SV2C: variants seen among roughly 807,000 people sequenced by gnomAD.
SV2C encodes solute carrier family 22 member B3.
SV2C carries 49 observed loss-of-function variants against 79.7 expected under a neutral mutation model. The ratio of observed to expected loss-of-function variants is 0.61; its 90% CI spans 0.49 to 0.78. The LOEUF is 0.78. SV2C is among the 30% of genes least tolerant of loss of function. The probability of loss-of-function intolerance (pLI) is 0.00; values close to 1 mark genes in which losing one functional copy is unlikely to be tolerated. For missense variants in SV2C, 833 were observed against 912.9 expected, an observed-to-expected ratio of 0.91 and a Z score of 1.13; for synonymous variants, 334 against 333.2, an observed-to-expected ratio of 1.00 and a Z score of -0.03.
chr5:76,013,571 C>T, the SV2C span, among the ~76,000 whole-genome samples: 2 of 152,170 alleles, frequency 1.3e-5, no homozygotes, highest in African/African-American at 4.8e-5. Flanking sequence ...ATTTGACTTC[C>T]TCTCTTCCTA....
intron 4 of SV2C, among the ~76,000 whole-genome samples, chr5:76,247,254 A>G (rs1261998945): frequency 6.6e-6 from 1 of 152,204 alleles, no homozygotes; most frequent in East Asian, 1.9e-4. Flanking sequence ...GAGCCAGAAC[A>G]ATGATTGTGT....
the SV2C span, among the ~76,000 whole-genome samples, chr5:76,023,006 G>T: frequency 6.6e-6 from 1 of 152,142 alleles, no homozygotes; most frequent in Non-Finnish European, 1.5e-5. Context: ...GGCAGCGGTG[G>T]TTTCTGCCCC....
chr5:76,019,096 G>A, the SV2C span, among the ~76,000 whole-genome samples: 1 of 152,036 alleles, frequency 6.6e-6, no homozygotes, highest in East Asian at 1.9e-4. Context: ...GAGAGAGAGA[G>A]AAAATAAAAA....
downstream of SV2C, among the ~76,000 whole-genome samples, chr5:76,337,256 C>T (rs1218743682): frequency 6.6e-6 from 1 of 152,136 alleles, no homozygotes; most frequent in Non-Finnish European, 1.5e-5. Context: ...CTCTCTGTGT[C>T]TTCAGATAGT....
intron 4 of SV2C, among the ~76,000 whole-genome samples, chr5:76,244,659 C>G (rs865884418): frequency 1.3e-5 from 2 of 151,896 alleles, no homozygotes; most frequent in African/African-American, 2.4e-5. Flanking sequence ...TATTGGAAAC[C>G]CTTGTTCTAT....
At chr5:75,864,877 T>G in the SV2C span, among the ~76,000 whole-genome samples, 2,290 of 152,334 alleles carry the variant, frequency 0.015, 73 homozygotes, top group African/African-American at 0.053. Context: ...CATGGAAAGC[T>G]ACCAGCTTTG....
At chr5:75,990,413 A>T in the SV2C span, among the ~76,000 whole-genome samples, 1 of 151,940 alleles carries the variant, frequency 6.6e-6, no homozygotes, top group African/African-American at 2.4e-5. Context: ...CTTTTCATTG[A>T]CATTTCTCCT....
the SV2C span, among the ~76,000 whole-genome samples, chr5:75,860,108 C>T: frequency 1.3e-5 from 2 of 152,132 alleles, no homozygotes; most frequent in African/African-American, 4.8e-5. Flanking sequence ...GTTTCTTTAA[C>T]AGTTGATGAT....
At chr5:75,851,297 G>A in the SV2C span, among the ~76,000 whole-genome samples, 20 of 152,134 alleles carry the variant, frequency 1.3e-4, no homozygotes, top group Admixed American at 1.3e-4. Flanking sequence ...AGTAAGTACA[G>A]TTCTGCTATG....
At chr5:76,215,992 TAG>T (rs563533170) in intron 4 of SV2C, among the ~76,000 whole-genome samples, 5 of 150,014 alleles carry the variant, frequency 3.3e-5, no homozygotes, top group Non-Finnish European at 5.9e-5. Flanking sequence ...TGATGCAAAG[TAG>T]ACCTTGAGTG....
Position 76,231,436 on chromosome 5 carries a change from A to AT in SV2C, c.913+21552dup, listed in dbSNP as rs1317330732. Among the ~76,000 whole-genome samples, 37 of 137,628 alleles carry AT rather than the reference A, an allele frequency of 2.7e-4. 2 individuals are homozygous for AT. Among genetic ancestry groups the AT allele is most frequent in the African/African-American group, 1.2e-3 (35 of 28,698 alleles). 90.3% of individuals were successfully genotyped at this position (137,628 alleles called of 152,430 possible). On this transcript the variant is annotated intron_variant, in intron 4 of 12. Transcript: ENST00000502798. ...CTGCAGCTCATGGCTGATTTTATTT[A>AT]TTTATTTTTTTTTATTATACTTTAA... is the stretch of plus-strand genomic sequence containing the variant.
chr5:75,956,114 T>C, the SV2C span, among the ~76,000 whole-genome samples: 2 of 140,370 alleles, frequency 1.4e-5, no homozygotes, highest in East Asian at 2.0e-4. Flanking sequence ...TATTGCGGCA[T>C]TATTCACAAT....
intron 2 of SV2C, among the ~76,000 whole-genome samples, chr5:76,154,677 C>T (rs987604702): frequency 6.6e-6 from 1 of 152,102 alleles, no homozygotes; most frequent in African/African-American, 2.4e-5. Context: ...ACCTGATCCA[C>T]AGAAAAACTG....
At chr5:76,281,372 T>C (rs1747189309) in intron 4 of SV2C, 1 of 252,240 alleles carries the variant, frequency 4.0e-6, no homozygotes, top group African/African-American at 2.3e-5. Flanking sequence ...TATGCCTTTT[T>C]TAAAAATAAA....
intron 2 of SV2C, among the ~76,000 whole-genome samples, chr5:76,157,355 A>C (rs1407704540): frequency 1.3e-5 from 2 of 152,218 alleles, no homozygotes; most frequent in South Asian, 2.1e-4. Flanking sequence ...ATATCCCCAG[A>C]TGAACAAAAA....
chr5:75,988,675 A>G, the SV2C span, among the ~76,000 whole-genome samples: 1 of 151,928 alleles, frequency 6.6e-6, no homozygotes, highest in Admixed American at 6.6e-5. Context: ...AGACATAAGG[A>G]TGGTCTCTCT....
the SV2C span, chr5:75,921,347 C>A: frequency 9.6e-7 from 1 of 1,040,408 alleles, no homozygotes; most frequent in Non-Finnish European, 1.5e-6. Flanking sequence ...CACATGCTGC[C>A]TGCTGCTGTC....
chr5:76,113,429 T>C (rs755287727), intron 1 of SV2C, among the ~76,000 whole-genome samples: 16 of 152,184 alleles, frequency 1.1e-4, no homozygotes, highest in Non-Finnish European at 1.9e-4. Context: ...AATGAGTAAA[T>C]GAATGAATGT....
chr5:76,295,913 T>G lies in SV2C; in HGVS notation c.1473T>G (p.Ile491Met), dbSNP rs1246331697. 6.2e-6 allele frequency: 10 copies of G among 1,611,400 alleles called. No homozygotes were observed. The highest frequency in any genetic ancestry group is 7.6e-6 in the Non-Finnish European group (9 of 1,178,932). The part of the protein sequence containing the change: ...FTINFTMENQ[I>M]HTGMEYDNGR... Reference sequence around the variant, plus strand: ...TTAACTTTACAATGGAAAATCAGATTCATACTGGAATGGAATACGACAATG... The same window carrying G: ...TTAACTTTACAATGGAAAATCAGATGCATACTGGAATGGAATACGACAATG... Residue 491 changes from isoleucine (I) to methionine (M), a missense_variant, in exon 9 of 13, where the codon ATT becomes ATG. Physicochemically the swap from Ile to Met is conservative, Grantham distance 10. Coordinates refer to ENST00000502798, the MANE Select transcript of SV2C (RefSeq NM_014979.4).
Sources: gnomAD v4.1 joint callset for allele counts (sites outside exome capture counted in the v4.1 genomes callset) on GRCh38, gnomAD v4.1.1 for gene constraint, MANE v1.5 for transcripts, NCBI Gene and HGNC (gene_info 2026-07-23, HGNC 2026-07-21) for gene names.